MDGA2: variants seen among roughly 807,000 people sequenced by gnomAD.
MDGA2 encodes MAM domain-containing glycosylphosphatidylinositol anchor protein 2.
Under a neutral mutation model 117.8 loss-of-function variants are expected in MDGA2, and 40 were observed. The ratio of observed to expected loss-of-function variants is 0.34; its 90% CI spans 0.26 to 0.44. MDGA2 has a LOEUF of 0.44. MDGA2 is among the 20% of genes least tolerant of loss of function. The pLI is 1.00. For synonymous variants in MDGA2, 452 were observed against 439.0 expected, an observed-to-expected ratio of 1.03 and a Z score of -0.37; for missense variants, 1,123 against 1,250.6, an observed-to-expected ratio of 0.90 and a Z score of 1.54.
chr14:46,976,708 A>C (rs1404995074), intron 8 of MDGA2, among the ~76,000 whole-genome samples: 2 of 151,954 alleles, frequency 1.3e-5, no homozygotes, highest in African/African-American at 2.4e-5. Flanking sequence ...ATGACTGTCA[A>C]GATCGTTCAT....
chr14:47,381,047 T>C (rs1891609750), intron 1 of MDGA2, among the ~76,000 whole-genome samples: 1 of 152,200 alleles, frequency 6.6e-6, no homozygotes, highest in Non-Finnish European at 1.5e-5. Context: ...GATGCAAGGC[T>C]GGTTCAACAT....
At chr14:47,497,042 T>G (rs2138665442) in intron 1 of MDGA2, among the ~76,000 whole-genome samples, 1 of 152,120 alleles carries the variant, frequency 6.6e-6, no homozygotes, top group South Asian at 2.1e-4. Context: ...GTGGTAATGC[T>G]CACTCACACG....
At chr14:47,284,305 A>T (rs1389356385) in intron 2 of MDGA2, among the ~76,000 whole-genome samples, 1 of 152,144 alleles carries the variant, frequency 6.6e-6, no homozygotes, top group African/African-American at 2.4e-5. Flanking sequence ...GTGTAATGTG[A>T]CTGAATGTAT....
chr14:47,076,340 C>T (rs2138865146), intron 6 of MDGA2, among the ~76,000 whole-genome samples: 1 of 151,650 alleles, frequency 6.6e-6, no homozygotes, highest in Non-Finnish European at 1.5e-5. Context: ...CAATATATAC[C>T]ATATGTAATA....
intron 1 of MDGA2, among the ~76,000 whole-genome samples, chr14:47,608,429 G>A (rs139773255): frequency 1.6e-3 from 246 of 152,170 alleles, no homozygotes; most frequent in African/African-American, 5.6e-3. Flanking sequence ...TGATGTTCAC[G>A]AGAAAATTCT....
intron 6 of MDGA2, among the ~76,000 whole-genome samples, chr14:47,089,779 G>A (rs1256180328): frequency 6.6e-6 from 1 of 151,704 alleles, no homozygotes; most frequent in Admixed American, 6.6e-5. Flanking sequence ...CTGATCTTGT[G>A]ATCCACCTGC....
At chr14:47,066,862 C>A (rs1390051629) in intron 6 of MDGA2, among the ~76,000 whole-genome samples, 1 of 151,492 alleles carries the variant, frequency 6.6e-6, no homozygotes, top group Admixed American at 6.6e-5. Context: ...GTGGCTCATG[C>A]CTGCACTTTG....
intron 2 of MDGA2, among the ~76,000 whole-genome samples, chr14:47,290,270 A>G (rs944424302): frequency 6.6e-6 from 1 of 152,010 alleles, no homozygotes; most frequent in Non-Finnish European, 1.5e-5. Context: ...TGGGATTAGT[A>G]CCCTTAAAAA....
intron 1 of MDGA2, among the ~76,000 whole-genome samples, chr14:47,665,164 CTAT>C (rs1343089494): frequency 1.1e-4 from 15 of 136,614 alleles, no homozygotes; most frequent in African/African-American, 4.2e-4. Context: ...CCTTCTTTAT[CTAT>C]ATTATGCCTA....
At chr14:46,980,553 G>C (rs905157134) in intron 8 of MDGA2, among the ~76,000 whole-genome samples, 5 of 152,104 alleles carry the variant, frequency 3.3e-5, no homozygotes, top group Admixed American at 1.3e-4. Flanking sequence ...TTTTACTGTG[G>C]GCAAAATGCT....
intron 2 of MDGA2, among the ~76,000 whole-genome samples, chr14:47,270,751 A>T (rs1888115898): frequency 6.6e-6 from 1 of 152,118 alleles, no homozygotes; most frequent in African/African-American, 2.4e-5. Flanking sequence ...TTATGCTTGG[A>T]ATAGGCTGTA....
At chr14:47,332,185 A>T (rs575697974) in intron 1 of MDGA2, among the ~76,000 whole-genome samples, 1 of 152,128 alleles carries the variant, frequency 6.6e-6, no homozygotes, top group Non-Finnish European at 1.5e-5. Flanking sequence ...AGGTGATCAT[A>T]TTCATTGTCT....
intron 1 of MDGA2, among the ~76,000 whole-genome samples, chr14:47,359,748 CAAAAAA>C (rs71448198): frequency 1.8e-5 from 2 of 110,782 alleles, no homozygotes; most frequent in Non-Finnish European, 3.6e-5. Flanking sequence ...AAGACTGTCT[CAAAAAA>C]AAAAAAAAAA....
intron 1 of MDGA2, among the ~76,000 whole-genome samples, chr14:47,355,925 G>T (rs1427109599): frequency 6.6e-6 from 1 of 152,106 alleles, no homozygotes; most frequent in Non-Finnish European, 1.5e-5. Context: ...TGTCTTTTCT[G>T]CTCTCAACCA....
chr14:47,656,076 A>G (rs1897738046), intron 1 of MDGA2, among the ~76,000 whole-genome samples: 1 of 152,216 alleles, frequency 6.6e-6, no homozygotes, highest in Non-Finnish European at 1.5e-5. Flanking sequence ...CTGGGAACTT[A>G]CTTAGGCAGA....
intron 1 of MDGA2, among the ~76,000 whole-genome samples, chr14:47,426,559 A>T (rs1222619277): frequency 2.0e-5 from 3 of 151,760 alleles, no homozygotes; most frequent in Non-Finnish European, 4.4e-5. Flanking sequence ...AGATAATATA[A>T]TTAAAAAATA....
At chr14:47,071,955 C>T (rs909555052) in intron 6 of MDGA2, among the ~76,000 whole-genome samples, 13 of 151,922 alleles carry the variant, frequency 8.6e-5, no homozygotes, top group East Asian at 3.9e-4. Context: ...ATACAGGAAC[C>T]AAAGGAGTCT....
intron 10 of MDGA2, among the ~76,000 whole-genome samples, chr14:46,911,996 TGG>T (rs1350417456): frequency 6.6e-6 from 1 of 152,046 alleles, no homozygotes; most frequent in Non-Finnish European, 1.5e-5. Context: ...TCACTCAGAC[TGG>T]GAGTGATTCA....
At chr14:46,858,652 C>A (rs928725097) in intron 14 of MDGA2, among the ~76,000 whole-genome samples, 5 of 152,032 alleles carry the variant, frequency 3.3e-5, no homozygotes, top group Non-Finnish European at 5.9e-5. Flanking sequence ...TGGTCTCGAT[C>A]TCCCGACCTC....
Sources: gnomAD v4.1 joint callset for allele counts (sites outside exome capture counted in the v4.1 genomes callset) on GRCh38, gnomAD v4.1.1 for gene constraint, MANE v1.5 for transcripts, NCBI Gene and HGNC (gene_info 2026-07-23, HGNC 2026-07-21) for gene names.